METTL14: variants seen among roughly 807,000 people sequenced by gnomAD.
The protein encoded by METTL14 is methyltransferase 14, N6-adenosine-methyltransferase non-catalytic subunit.
Under a neutral mutation model 62.4 loss-of-function variants are expected in METTL14, and 32 were observed. The ratio of observed to expected loss-of-function variants is 0.51; its 90% CI spans 0.39 to 0.69. The LOEUF (loss-of-function observed/expected upper bound fraction) is 0.69, where lower values mean the gene tolerates loss of function less well. Among genes scored for constraint, METTL14 ranks in the 30% least tolerant of loss-of-function variants. The pLI is 0.00. For missense variants in METTL14, 340 were observed against 551.9 expected (o/e 0.62, Z 3.85); for synonymous variants, 150 against 180.0 (o/e 0.83, Z 1.34).
At chr4:118,705,385 G>A (rs1024674374) in intron 9 of METTL14, among the ~76,000 whole-genome samples, 1 of 152,144 alleles carries the variant, frequency 6.6e-6, no homozygotes, top group Non-Finnish European at 1.5e-5. Context: ...TGAGGCGGGG[G>A]ATTGCTTGAG....
intron 6 of METTL14, among the ~76,000 whole-genome samples, chr4:118,695,623 C>T (rs971828575): frequency 6.6e-6 from 1 of 152,086 alleles, no homozygotes; most frequent in Admixed American, 6.6e-5. Flanking sequence ...GCTTAGAAAA[C>T]TTAGAGTCAG....
intron 10 of METTL14, 119 bp from the exon 11 acceptor site, chr4:118,709,879 G>C (rs1262873295): frequency 5.3e-6 from 5 of 936,246 alleles, no homozygotes; most frequent in Admixed American, 2.4e-5. Context: ...AAAGAGATCA[G>C]TATTGGATGA....
At chr4:118,688,149 C>T in intron 2 of METTL14, 138 bp downstream of exon 2, 1 of 665,636 alleles carries the variant, frequency 1.5e-6, no homozygotes, top group Non-Finnish European at 2.5e-6. Context: ...GTACACCTGC[C>T]TTGGCCTCCC....
chr4:118,702,065 G>A (rs1183309067), intron 8 of METTL14, among the ~76,000 whole-genome samples: 1 of 150,390 alleles, frequency 6.6e-6, no homozygotes, highest in South Asian at 2.1e-4. Context: ...ATCTGACTTT[G>A]ATCTTTCCTT....
intron 5 of METTL14, 60 bp downstream of exon 5, chr4:118,692,128 A>T (rs1207129707): frequency 2.0e-6 from 2 of 1,012,522 alleles, no homozygotes; most frequent in East Asian, 5.3e-5. Flanking sequence ...CATGTAATTT[A>T]TCCAATTTGT....
At chr4:118,697,122 A>G in intron 6 of METTL14, 60 bp from the exon 7 acceptor site, 1 of 1,330,860 alleles carries the variant, frequency 7.5e-7, no homozygotes, top group Non-Finnish European at 1.0e-6. Context: ...AAGGTACTTG[A>G]AAATCTTATT....
At chr4:118,696,773 G>C (rs1724426230) in intron 6 of METTL14, among the ~76,000 whole-genome samples, 1 of 152,004 alleles carries the variant, frequency 6.6e-6, no homozygotes, top group Non-Finnish European at 1.5e-5. Flanking sequence ...ACAGAGAAAT[G>C]GGTTTTCTAA....
chr4:118,709,922 AT>A, intron 10 of METTL14, 75 bp from the exon 11 acceptor site: 1 of 1,400,164 alleles, frequency 7.1e-7, no homozygotes, highest in Non-Finnish European at 9.7e-7. Context: ...TGCATTGGGG[AT>A]TTGAACTAGC....
intron 8 of METTL14, among the ~76,000 whole-genome samples, chr4:118,702,203 C>T (rs931835071): frequency 6.7e-6 from 1 of 149,494 alleles, no homozygotes; most frequent in African/African-American, 2.5e-5. Flanking sequence ...CCCTGCAAAA[C>T]TCTGCTTCCC....
Position 118,710,132 on chromosome 4 carries a change from C to G in METTL14, c.1201C>G (p.Pro401Ala). 6.2e-7 allele frequency: 1 copy of G among 1,614,166 alleles called. No individual in the cohort carries two copies. The highest frequency in any genetic ancestry group is 8.5e-7 in the Non-Finnish European group (1 of 1,180,036). Residue 401 changes from proline to alanine, a missense_variant, in exon 11 of 11, where the codon CCT becomes GCT. Physicochemically the swap from Pro to Ala is conservative, Grantham distance 27 (BLOSUM62 -1). Transcript: ENST00000388822. ...TGAGAGACTTCGACCAAAATCGCCTCCTCCCAAATCTAAATCTGACCGAGG... is the reference window on the plus strand; with the variant it reads ...TGAGAGACTTCGACCAAAATCGCCTGCTCCCAAATCTAAATCTGACCGAGG... ...EIERLRPKSP[P>A]PKSKSDRGGG...
In METTL14 at chr4:118,691,573, T is replaced by C. The variant is rs768702967; in HGVS notation, c.285T>C (p.Tyr95=). The stretch of plus-strand genomic sequence containing the variant: ...AACAGGATGAAGAAAATTTGCCATA[T>C]GAAGAAGAGATTTACAAAGATTCTA... ...EMQQDEENLP[Y]EEEIYKDSST... The change falls in exon 4 of 11, where the codon TAT becomes TAC. Residue 95 remains tyrosine (Y), a synonymous_variant. Coordinates refer to ENST00000388822, the MANE Select transcript of METTL14 (RefSeq NM_020961.4). The C allele has an allele frequency of 6.4e-7, 1 of 1,557,322 alleles. No individual in the cohort carries two copies. The highest frequency in any genetic ancestry group is 2.0e-5 in the Admixed American group (1 of 50,454).
In METTL14 at chr4:118,705,824, A is replaced by G; in HGVS notation, c.1066+3A>G. On this transcript the variant is annotated splice_donor_region_variant and intron_variant, in intron 10 of 10. Transcript: ENST00000388822. Reference sequence around the variant, plus strand: ...AAGAGATAGTACAATTCGACCAGGTAGGACCTCAGTTAACAACAACTTTTA... The same window carrying G: ...AAGAGATAGTACAATTCGACCAGGTGGGACCTCAGTTAACAACAACTTTTA... 6.2e-7 allele frequency: 1 copy of G among 1,608,176 alleles called. No homozygotes were observed. The highest frequency in any genetic ancestry group is 8.5e-7 in the Non-Finnish European group (1 of 1,175,648).
chr4:118,705,811 A>C lies in METTL14; in HGVS notation c.1056A>C (p.Thr352=), dbSNP rs112726268. 8 of 1,613,024 alleles carry C rather than the reference A, an allele frequency of 5.0e-6. No homozygotes were observed. Among genetic ancestry groups the C allele is most frequent in the Non-Finnish European group, 6.8e-6 (8 of 1,179,438 alleles). The change falls in exon 10 of 11, where the codon ACA becomes ACC. Residue 352 remains threonine (T), a synonymous_variant. Transcript: ENST00000388822. ...TTCATCTATTTGGAAGAGATAGTAC[A>C]ATTCGACCAGGTAGGACCTCAGTTA... is the stretch of plus-strand genomic sequence containing the variant. ...RRLHLFGRDS[T]IRPGWLTVGP... is the part of the protein sequence containing the mutation.
chr4:118,689,851 G>A (rs559997619), intron 3 of METTL14, among the ~76,000 whole-genome samples: 1 of 151,728 alleles, frequency 6.6e-6, no homozygotes, highest in South Asian at 2.1e-4. Context: ...TGTTGGCCAG[G>A]ATGGTCTTGA....
intron 8 of METTL14, among the ~76,000 whole-genome samples, chr4:118,703,155 C>A (rs888791059): frequency 9.2e-5 from 14 of 151,982 alleles, no homozygotes; most frequent in African/African-American, 3.4e-4. Context: ...ACTTGATCAT[C>A]ATACCAGCAA....
intron 10 of METTL14, among the ~76,000 whole-genome samples, chr4:118,707,517 A>G (rs1323865814): frequency 6.6e-6 from 1 of 151,890 alleles, no homozygotes; most frequent in African/African-American, 2.4e-5. Flanking sequence ...TACAAAAATT[A>G]GCTGGGTGTG....
At chr4:118,692,226 C>CTTTTT (rs11387432) in intron 5 of METTL14, among the ~76,000 whole-genome samples, 158 bp downstream of exon 5, 105 of 131,342 alleles carry the variant, frequency 8.0e-4, no homozygotes, top group Non-Finnish European at 9.4e-4. Flanking sequence ...CTTTTCTTTT[C>CTTTTT]TTTTTTTTTT....
At chr4:118,698,018 A>G (rs1279116099) in intron 7 of METTL14, among the ~76,000 whole-genome samples, 3 of 152,178 alleles carry the variant, frequency 2.0e-5, no homozygotes, top group African/African-American at 4.8e-5. Context: ...TATTGTTGGA[A>G]CACAGATTGG....
chr4:118,706,578 C>G (rs1724761383), intron 10 of METTL14, among the ~76,000 whole-genome samples: 1 of 152,226 alleles, frequency 6.6e-6, no homozygotes, highest in Non-Finnish European at 1.5e-5. Flanking sequence ...CGTAAGTTTT[C>G]AGCTCCTTTG....
Sources: allele counts gnomAD v4.1 joint callset (sites outside exome capture counted in the v4.1 genomes callset), GRCh38; gene constraint gnomAD v4.1.1; transcripts MANE v1.5; gene names NCBI Gene and HGNC (gene_info 2026-07-23, HGNC 2026-07-21).